NEGR1: variants seen among roughly 807,000 people sequenced by gnomAD.
NEGR1 encodes the protein IgLON family member 4.
In NEGR1, 10 loss-of-function variants were observed where a neutral mutation model predicts 40.9. The ratio of observed to expected loss-of-function variants is 0.24; its 90% CI spans 0.15 to 0.42. The LOEUF (loss-of-function observed/expected upper bound fraction) is 0.42, where lower values mean the gene tolerates loss of function less well. Ranked by LOEUF, NEGR1 falls within the 10% of genes least tolerant of loss-of-function variation. The pLI is 1.00. For missense variants in NEGR1, 352 were observed against 438.9 expected (o/e 0.80, Z 1.77); for synonymous variants, 185 against 166.8 (o/e 1.11, Z -0.84).
At chr1:71,521,806 A>G (rs1213911342) in intron 6 of NEGR1, among the ~76,000 whole-genome samples, 1 of 151,994 alleles carries the variant, frequency 6.6e-6, no homozygotes, top group Non-Finnish European at 1.5e-5. Context: ...AAATCAGTCT[A>G]TGGAAACAAC....
chr1:71,932,281 A>C lies in NEGR1; in HGVS notation c.409+2798T>G, dbSNP rs111629535. ...AAATAATTGACGTGGGATTTTTGTT[A>C]TTTTTTTATTTGTTTTGTTTTTTTT... On this transcript the variant is annotated intron_variant, in intron 2 of 6. Coordinates refer to ENST00000357731, the MANE Select transcript of NEGR1 (RefSeq NM_173808.3). Among the ~76,000 whole-genome samples the C allele has an allele frequency of 5.9e-3, 895 of 151,416 alleles. 9 individuals carry two copies. The highest frequency in any genetic ancestry group is 0.021 in the African/African-American group (863 of 41,232).
chr1:71,903,156 AG>A (rs1365431097), intron 2 of NEGR1, among the ~76,000 whole-genome samples: 2 of 152,000 alleles, frequency 1.3e-5, no homozygotes, highest in East Asian at 3.8e-4. Flanking sequence ...AAATTACCTA[AG>A]ACTTCCATTA....
chr1:71,466,165 TGA>T (rs762778616), intron 6 of NEGR1, among the ~76,000 whole-genome samples: 8 of 152,010 alleles, frequency 5.3e-5, no homozygotes, highest in Non-Finnish European at 7.4e-5. Flanking sequence ...ATAATTTGTG[TGA>T]GAGAGTTTAT....
chr1:72,265,241 A>G (rs1034214426), intron 1 of NEGR1, among the ~76,000 whole-genome samples: 6 of 150,990 alleles, frequency 4.0e-5, no homozygotes, highest in African/African-American at 1.2e-4. Flanking sequence ...TGATGATGCC[A>G]AATGAAAATC....
chr1:72,087,656 G>A (rs1648279978), intron 1 of NEGR1, among the ~76,000 whole-genome samples: 1 of 150,310 alleles, frequency 6.7e-6, no homozygotes, highest in African/African-American at 2.4e-5. Context: ...AGATCCCCCT[G>A]TGTTGCCCAG....
chr1:71,757,856 T>C (rs185969491), intron 3 of NEGR1, among the ~76,000 whole-genome samples: 2 of 152,250 alleles, frequency 1.3e-5, no homozygotes, highest in Admixed American at 1.3e-4. Flanking sequence ...AAGAACACAG[T>C]ATTCATCACG....
At position 71,406,927 on chromosome 1, in the gene NEGR1, A is replaced by C. The variant is rs937142799; in HGVS notation, c.*519T>G. 1.3e-5 allele frequency: 2 copies of C among 152,562 alleles called. No homozygotes were observed. Among genetic ancestry groups the C allele is most frequent in the Non-Finnish European group, 2.9e-5 (2 of 67,986 alleles). The allele number at this position is 152,562 out of a possible 1,614,324, so 9.5% of individuals were successfully genotyped here. A position where few individuals can be genotyped will look rare whatever the true frequency, so the allele number is the denominator to read the frequency against. On this transcript the variant is annotated 3_prime_UTR_variant, in exon 7 of 7. Coordinates refer to ENST00000357731, the MANE Select transcript of NEGR1 (RefSeq NM_173808.3). ...CCTGAAACCTGAATATCATGCGAGC[A>C]GAAAAATCTAGATATGTGTTATATT...
intron 1 of NEGR1, among the ~76,000 whole-genome samples, chr1:71,970,998 G>T (rs1026358637): frequency 2.0e-5 from 3 of 152,140 alleles, no homozygotes; most frequent in Non-Finnish European, 4.4e-5. Flanking sequence ...GATGTAATTA[G>T]TTAAACATCC....
chr1:71,902,945 T>A (rs1185791051), intron 2 of NEGR1, among the ~76,000 whole-genome samples: 1 of 152,082 alleles, frequency 6.6e-6, no homozygotes, highest in Non-Finnish European at 1.5e-5. Context: ...TTAGCTATGT[T>A]ATTATAATTG....
intron 3 of NEGR1, among the ~76,000 whole-genome samples, chr1:71,699,630 ATAAAT>A (rs148222292): frequency 3.9e-5 from 6 of 152,102 alleles, no homozygotes; most frequent in Non-Finnish European, 8.8e-5. Context: ...GGTATTAAAT[ATAAAT>A]TAAAGTATGA....
chr1:71,947,117 CACACACACACACACGT>C (rs1285378838), intron 1 of NEGR1, among the ~76,000 whole-genome samples: 2 of 132,244 alleles, frequency 1.5e-5, no homozygotes, highest in African/African-American at 5.5e-5. Context: ...CACACACACA[CACACACACACACACGT>C]ATATGTATAT....
chr1:72,228,780 T>G (rs1489334274), intron 1 of NEGR1, among the ~76,000 whole-genome samples: 6 of 152,098 alleles, frequency 3.9e-5, no homozygotes, highest in Admixed American at 1.3e-4. Context: ...AAAATGAAAG[T>G]TAAATAGTCT....
At chr1:72,188,303 T>C (rs979368963) in intron 1 of NEGR1, among the ~76,000 whole-genome samples, 1 of 151,466 alleles carries the variant, frequency 6.6e-6, no homozygotes, top group Admixed American at 6.6e-5. Context: ...ACCTAGAATT[T>C]ATGAACATAA....
intron 1 of NEGR1, among the ~76,000 whole-genome samples, chr1:72,064,535 T>A (rs1012469467): frequency 6.6e-6 from 1 of 152,122 alleles, no homozygotes; most frequent in African/African-American, 2.4e-5. Flanking sequence ...CGGCTTTCAC[T>A]ATGCTGGCCC....
At chr1:72,052,014 C>G (rs935669565) in intron 1 of NEGR1, among the ~76,000 whole-genome samples, 1 of 151,410 alleles carries the variant, frequency 6.6e-6, no homozygotes, top group Admixed American at 6.6e-5. Flanking sequence ...TCAAAACAAG[C>G]TGACAGAGTT....
intron 4 of NEGR1, among the ~76,000 whole-genome samples, chr1:71,655,190 T>C (rs591031): frequency 0.48 from 72,668 of 151,996 alleles, 17,453 homozygotes; most frequent in Middle Eastern, 0.54. Flanking sequence ...CTAATTGCTG[T>C]GGAGGAAGGT....
chr1:71,740,653 A>G (rs150411445), intron 3 of NEGR1, among the ~76,000 whole-genome samples: 16 of 152,256 alleles, frequency 1.1e-4, no homozygotes, highest in Admixed American at 2.0e-4. Context: ...TTTTAACATT[A>G]TTTCTGGCAA....
At chr1:71,953,994 A>G (rs1400538419) in intron 1 of NEGR1, among the ~76,000 whole-genome samples, 1 of 152,046 alleles carries the variant, frequency 6.6e-6, no homozygotes, top group Non-Finnish European at 1.5e-5. Context: ...GTAAGCCTAT[A>G]CCATAAGAGA....
intron 2 of NEGR1, among the ~76,000 whole-genome samples, chr1:71,824,317 G>A (rs1658539344): frequency 6.6e-6 from 1 of 151,180 alleles, no homozygotes; most frequent in Non-Finnish European, 1.5e-5. Context: ...TGTTTCTTTT[G>A]CTAAATATAT....
Sources: allele counts gnomAD v4.1 joint callset (sites outside exome capture counted in the v4.1 genomes callset), GRCh38; gene constraint gnomAD v4.1.1; transcripts MANE v1.5; gene names NCBI Gene and HGNC (gene_info 2026-07-23, HGNC 2026-07-21).